Variants in TENM3 observed in about 807,000 individuals in gnomAD.
TENM3 encodes teneurin-3.
A neutral mutation model predicts 255.1 loss-of-function variants in TENM3; 63 were observed. The ratio of observed to expected loss-of-function variants is 0.25; its 90% CI spans 0.20 to 0.30. The LOEUF (loss-of-function observed/expected upper bound fraction) is 0.30. TENM3 is among the 10% of genes least tolerant of loss of function. The pLI is 1.00. For missense variants in TENM3, 2,929 were observed against 3,461.1 expected (o/e 0.85, Z 3.86); for synonymous variants, 1,306 against 1,322.3 (o/e 0.99, Z 0.27).
chr4:182,338,286 G>A lies in TENM3; in HGVS notation c.233-8365G>A, dbSNP rs1031629939. Among the ~76,000 whole-genome samples, 15 of 152,232 alleles carry A rather than the reference G, an allele frequency of 9.9e-5. No homozygotes were observed. The East Asian group carries it at 1.7e-3, about 18-fold the overall frequency. ...CCACAATCTTTCAAAAACAACCTCC[G>A]CTGTCATCGCACTATAATGTTTTGC... On this transcript the variant is annotated intron_variant, in intron 2 of 27. Coordinates refer to ENST00000511685, the MANE Select transcript of TENM3 (RefSeq NM_001080477.4).
the TENM3 span, among the ~76,000 whole-genome samples, chr4:181,473,835 G>GTATATATA: frequency 2.8e-5 from 4 of 142,466 alleles, no homozygotes; most frequent in African/African-American, 7.8e-5. Flanking sequence ...TATGTATACT[G>GTATATATA]TATATATATA....
At chr4:182,169,040 T>C (rs1751915689) in intron 1 of TENM3, among the ~76,000 whole-genome samples, 1 of 151,236 alleles carries the variant, frequency 6.6e-6, no homozygotes, top group South Asian at 2.1e-4. Context: ...AGGGAAAACG[T>C]ATATGGACAG....
chr4:182,534,601 C>T (rs1164582745), intron 3 of TENM3, among the ~76,000 whole-genome samples: 2 of 152,178 alleles, frequency 1.3e-5, no homozygotes, highest in African/African-American at 4.8e-5. Context: ...TCCCCAGAAT[C>T]CATATGGGGC....
chr4:182,339,833 C>A lies in TENM3; in HGVS notation c.233-6818C>A, dbSNP rs553452911. 2.0e-4 allele frequency among the ~76,000 whole-genome samples: 30 copies of A among 152,046 alleles called. No individual in the cohort carries two copies. The East Asian group carries it at 4.8e-3, about 24-fold the overall frequency. Reference sequence around the variant, plus strand: ...TACATTGCAGGCGTATTATCATTGCCGGGCCTTGGATTGTTCTAAAGAAGT... The same window carrying A: ...TACATTGCAGGCGTATTATCATTGCAGGGCCTTGGATTGTTCTAAAGAAGT... On this transcript the variant is annotated intron_variant, in intron 2 of 27. Transcript: ENST00000511685.
At chr4:182,364,583 A>AT (rs1222355706) in intron 3 of TENM3, among the ~76,000 whole-genome samples, 1 of 151,830 alleles carries the variant, frequency 6.6e-6, no homozygotes, top group African/African-American at 2.4e-5. Context: ...CGCCCGGCTA[A>AT]TTTTTTGTAT....
At chr4:182,062,974 A>G in the TENM3 span, among the ~76,000 whole-genome samples, 1 of 152,226 alleles carries the variant, frequency 6.6e-6, no homozygotes, top group East Asian at 1.9e-4. Flanking sequence ...TTTTCCACAG[A>G]ATGTTTCAAC....
chr4:182,239,350 A>AT (rs1438946369), upstream of TENM3, among the ~76,000 whole-genome samples: 1 of 152,126 alleles, frequency 6.6e-6, no homozygotes, highest in Non-Finnish European at 1.5e-5. Context: ...AAGTACTGGG[A>AT]TTACAGGCAT....
chr4:182,121,493 A>C, the TENM3 span, among the ~76,000 whole-genome samples: 1 of 152,226 alleles, frequency 6.6e-6, no homozygotes, highest in Non-Finnish European at 1.5e-5. Flanking sequence ...TGTAGAGCTA[A>C]AGACCACTTC....
At chr4:182,597,749 A>G (rs532285884) in intron 3 of TENM3, among the ~76,000 whole-genome samples, 43 of 152,214 alleles carry the variant, frequency 2.8e-4, no homozygotes, top group African/African-American at 9.1e-4. Context: ...TACTGATTCT[A>G]TCTTGAGTAA....
the TENM3 span, among the ~76,000 whole-genome samples, chr4:182,130,060 T>C: frequency 6.6e-6 from 1 of 152,188 alleles, no homozygotes; most frequent in Non-Finnish European, 1.5e-5. Flanking sequence ...AATTAGATTG[T>C]GATATTTTAT....
chr4:181,846,782 C>A, the TENM3 span, among the ~76,000 whole-genome samples: 1 of 152,176 alleles, frequency 6.6e-6, no homozygotes, highest in African/African-American at 2.4e-5. Context: ...CACAGGATCT[C>A]TGCCCTAAAT....
the TENM3 span, among the ~76,000 whole-genome samples, chr4:181,785,498 C>A: frequency 6.6e-6 from 1 of 152,066 alleles, no homozygotes; most frequent in Non-Finnish European, 1.5e-5. Flanking sequence ...ACGCGTATTA[C>A]CATAATTAAT....
the TENM3 span, among the ~76,000 whole-genome samples, chr4:182,012,477 G>A: frequency 2.6e-4 from 39 of 152,172 alleles, no homozygotes; most frequent in Non-Finnish European, 4.0e-4. Context: ...CGTAAAGAAC[G>A]CCGGAATTGT....
chr4:182,214,709 TTC>T (rs1426205216), intron 1 of TENM3, among the ~76,000 whole-genome samples: 2 of 152,030 alleles, frequency 1.3e-5, no homozygotes, highest in African/African-American at 4.8e-5. Context: ...GTCTGGGTAA[TTC>T]TCTCCAGATT....
At chr4:182,393,566 A>G (rs1768590659) in intron 3 of TENM3, among the ~76,000 whole-genome samples, 1 of 152,244 alleles carries the variant, frequency 6.6e-6, no homozygotes, top group South Asian at 2.1e-4. Flanking sequence ...GAATTTCATA[A>G]TAAATGCAAT....
At chr4:182,393,381 A>G (rs1768572491) in intron 3 of TENM3, among the ~76,000 whole-genome samples, 1 of 152,238 alleles carries the variant, frequency 6.6e-6, no homozygotes. Flanking sequence ...TTAGACATAC[A>G]TACACAGAGA....
chr4:182,135,388 C>T, the TENM3 span, among the ~76,000 whole-genome samples: 1 of 151,984 alleles, frequency 6.6e-6, no homozygotes, highest in Non-Finnish European at 1.5e-5. Context: ...TTCCATGACC[C>T]ATGTGATGAT....
At chr4:181,793,214 G>A in the TENM3 span, among the ~76,000 whole-genome samples, 1 of 152,196 alleles carries the variant, frequency 6.6e-6, no homozygotes, top group Non-Finnish European at 1.5e-5. Context: ...CCAGCTGCAT[G>A]AAAGAGCTTA....
intron 3 of TENM3, among the ~76,000 whole-genome samples, chr4:182,535,849 G>A (rs574578818): frequency 6.6e-6 from 1 of 152,070 alleles, no homozygotes; most frequent in South Asian, 2.1e-4. Context: ...CTCAGGATTA[G>A]TGTGAGAATT....
Sources: gnomAD v4.1 joint callset for allele counts (sites outside exome capture counted in the v4.1 genomes callset) on GRCh38, gnomAD v4.1.1 for gene constraint, MANE v1.5 for transcripts, NCBI Gene and HGNC (gene_info 2026-07-23, HGNC 2026-07-21) for gene names.